The following FHIP1A variants were observed in gnomAD, a reference collection of about 807,000 sequenced individuals.
The protein encoded by FHIP1A is FHF complex subunit HOOK interacting protein 1A.
Under a neutral mutation model 88.6 loss-of-function variants are expected in FHIP1A, and 61 were observed. That is an observed-to-expected ratio of 0.69 (90% CI 0.56 to 0.85). The LOEUF (loss-of-function observed/expected upper bound fraction) is 0.85. FHIP1A is among the 40% of genes least tolerant of loss of function. FHIP1A has a pLI of 0.00. For missense variants in FHIP1A, 1,154 were observed against 1,273.5 expected, an observed-to-expected ratio of 0.91 and a Z score of 1.43; for synonymous variants, 478 against 496.0, an observed-to-expected ratio of 0.96 and a Z score of 0.48.
intron 8 of FHIP1A, among the ~76,000 whole-genome samples, chr4:151,637,213 T>G (rs1364160445): frequency 6.6e-6 from 1 of 152,132 alleles, no homozygotes; most frequent in African/African-American, 2.4e-5. Flanking sequence ...TATAAAACTC[T>G]TAGAAGAAAT....
rs769808431 is a variant in FHIP1A at position 151,629,877 on chromosome 4, G to T, written c.1146+8G>T. ...ATCAACACCCCGTTTCGGGTAAGGA[G>T]AGCGCCAGAGGAAGGGAACTTACAA... On this transcript the variant is annotated splice_region_variant and intron_variant, in intron 8 of 13. Transcript: ENST00000435205. 6.5e-7 allele frequency: 1 copy of T among 1,549,432 alleles called. No homozygotes were observed. Among genetic ancestry groups the T allele is most frequent in the South Asian group, 1.2e-5 (1 of 83,710 alleles).
intron 1 of FHIP1A, among the ~76,000 whole-genome samples, chr4:151,416,913 A>T (rs957000655): frequency 2.0e-5 from 3 of 152,104 alleles, no homozygotes; most frequent in African/African-American, 7.2e-5. Flanking sequence ...TCTCCTGAGT[A>T]TCTGGGACTA....
At chr4:151,467,546 T>G (rs759723307) in intron 2 of FHIP1A, among the ~76,000 whole-genome samples, 9 of 152,112 alleles carry the variant, frequency 5.9e-5, no homozygotes, top group Non-Finnish European at 1.0e-4. Flanking sequence ...CCAGCACTGT[T>G]TACAATAGCA....
chr4:151,558,134 A>T (rs1733026056), intron 3 of FHIP1A, among the ~76,000 whole-genome samples: 1 of 152,224 alleles, frequency 6.6e-6, no homozygotes, highest in African/African-American at 2.4e-5. Context: ...AGTCTAAGAA[A>T]CTTATTTACA....
At chr4:151,480,652 A>G (rs1729860120) in intron 2 of FHIP1A, among the ~76,000 whole-genome samples, 2 of 152,070 alleles carry the variant, frequency 1.3e-5, no homozygotes, top group Non-Finnish European at 1.5e-5. Context: ...TGGTTAATAA[A>G]TGATTAATTG....
chr4:151,439,078 G>T (rs978798399), intron 1 of FHIP1A, among the ~76,000 whole-genome samples: 1 of 152,078 alleles, frequency 6.6e-6, no homozygotes, highest in Non-Finnish European at 1.5e-5. Context: ...TTTAAAGCAT[G>T]TTTTCTTCAA....
At chr4:151,450,256 A>G (rs894391097) in intron 1 of FHIP1A, among the ~76,000 whole-genome samples, 2 of 149,620 alleles carry the variant, frequency 1.3e-5, no homozygotes, top group Non-Finnish European at 3.0e-5. Context: ...GCCTCAGCCT[A>G]ATAGTTTTTT....
Position 151,448,675 on chromosome 4 carries a change from G to T in FHIP1A, c.-355-6026G>T, listed in dbSNP as rs1353345693. Among the ~76,000 whole-genome samples the T allele has an allele frequency of 2.6e-5, 4 of 152,156 alleles. No homozygotes were observed. In the East Asian group the frequency reaches 7.7e-4, roughly 29 times the overall value. ...TGATGCTGAATACTCCAGTGTATGT[G>T]TATATTCCATATTTTGTTTATCATC... On this transcript the variant is annotated intron_variant, in intron 1 of 13. Coordinates refer to ENST00000435205, the MANE Select transcript of FHIP1A (RefSeq NM_001109977.3).
chr4:151,557,894 A>C (rs989933288), intron 3 of FHIP1A, among the ~76,000 whole-genome samples: 1 of 152,160 alleles, frequency 6.6e-6, no homozygotes, highest in Admixed American at 6.5e-5. Flanking sequence ...TATTATTTAC[A>C]TCTGTATGCT....
intron 1 of FHIP1A, among the ~76,000 whole-genome samples, chr4:151,419,282 A>G (rs903532861): frequency 6.6e-6 from 1 of 152,160 alleles, no homozygotes; most frequent in Non-Finnish European, 1.5e-5. Context: ...GACTGTTTTC[A>G]ACCTGGGACA....
chr4:151,630,464 C>T (rs1464498139), intron 8 of FHIP1A, among the ~76,000 whole-genome samples: 2 of 151,814 alleles, frequency 1.3e-5, no homozygotes, highest in African/African-American at 2.4e-5. Context: ...TAATATATAA[C>T]AATAATTGCA....
intron 7 of FHIP1A, among the ~76,000 whole-genome samples, chr4:151,605,642 G>T (rs1323287762): frequency 1.3e-5 from 2 of 152,148 alleles, no homozygotes; most frequent in African/African-American, 4.8e-5. Context: ...TTCCTTAAAG[G>T]CATGTGTGCT....
chr4:151,488,018 A>G (rs921949841), intron 3 of FHIP1A, among the ~76,000 whole-genome samples: 2 of 152,118 alleles, frequency 1.3e-5, no homozygotes, highest in Admixed American at 1.3e-4. Context: ...CTGCTTCTCT[A>G]CATTCATTGT....
chr4:151,619,889 A>C (rs942830526), intron 7 of FHIP1A, among the ~76,000 whole-genome samples: 2 of 152,194 alleles, frequency 1.3e-5, no homozygotes, highest in South Asian at 4.1e-4. Flanking sequence ...TGATCCTTTC[A>C]TATTCTGCAC....
intron 3 of FHIP1A, among the ~76,000 whole-genome samples, chr4:151,545,840 C>T (rs189403818): frequency 9.1e-4 from 139 of 152,260 alleles, no homozygotes; most frequent in Non-Finnish European, 1.2e-3. Context: ...GTCTCACCTT[C>T]AGGGAAAGGT....
At chr4:151,471,416 C>G (rs910110909) in intron 2 of FHIP1A, among the ~76,000 whole-genome samples, 2 of 150,876 alleles carry the variant, frequency 1.3e-5, no homozygotes, top group Non-Finnish European at 2.9e-5. Context: ...CTGTTTACAT[C>G]TAAATAAGGA....
intron 1 of FHIP1A, among the ~76,000 whole-genome samples, chr4:151,443,414 C>T (rs972361832): frequency 6.6e-5 from 10 of 152,064 alleles, no homozygotes; most frequent in African/African-American, 9.7e-5. Context: ...GGGATCCTCC[C>T]GCCTCAGCCT....
At chr4:151,493,509 A>G (rs1730355060) in intron 3 of FHIP1A, among the ~76,000 whole-genome samples, 1 of 152,140 alleles carries the variant, frequency 6.6e-6, no homozygotes, top group South Asian at 2.1e-4. Flanking sequence ...CCAGGAAAGG[A>G]CGTACCAAAA....
At chr4:151,546,565 C>A (rs1732512008) in intron 3 of FHIP1A, among the ~76,000 whole-genome samples, 1 of 152,218 alleles carries the variant, frequency 6.6e-6, no homozygotes, top group South Asian at 2.1e-4. Flanking sequence ...GTAGACCTTG[C>A]TTTCACAGAG....
Sources: allele counts gnomAD v4.1 joint callset (sites outside exome capture counted in the v4.1 genomes callset), GRCh38; gene constraint gnomAD v4.1.1; transcripts MANE v1.5; gene names NCBI Gene and HGNC (gene_info 2026-07-23, HGNC 2026-07-21).